The following UBR1 variants were observed in gnomAD, a reference collection of about 807,000 sequenced individuals.
The protein encoded by UBR1 is E3 ubiquitin-protein ligase UBR1.
A neutral mutation model predicts 242.1 loss-of-function variants in UBR1; 102 were observed. That is an observed-to-expected ratio of 0.42 (90% CI 0.36 to 0.50). The LOEUF is 0.50. Ranked by LOEUF, UBR1 falls within the 20% of genes least tolerant of loss-of-function variation. The probability of loss-of-function intolerance (pLI) is 0.01; values close to 1 mark genes in which losing one functional copy is unlikely to be tolerated. For missense variants in UBR1, 1,772 were observed against 2,101.8 expected (o/e 0.84, Z 3.07); for synonymous variants, 675 against 684.8 (o/e 0.99, Z 0.22).
chr15:43,077,091 G>C (rs1460668748), intron 3 of UBR1, among the ~76,000 whole-genome samples: 3 of 131,548 alleles, frequency 2.3e-5, no homozygotes, highest in Non-Finnish European at 5.0e-5. Context: ...CTTCTGCCCG[G>C]CCGCCCCTAC....
chr15:43,102,774 C>T (rs1567153570), intron 1 of UBR1, among the ~76,000 whole-genome samples: 1 of 151,586 alleles, frequency 6.6e-6, no homozygotes, highest in Non-Finnish European at 1.5e-5. Context: ...TTCCATTTTC[C>T]ACCCGTTTCA....
chr15:43,021,427 G>C, intron 26 of UBR1, 52 bp from the exon 27 acceptor site: 1 of 1,560,800 alleles, frequency 6.4e-7, no homozygotes, highest in African/African-American at 1.4e-5. Flanking sequence ...TCATCTCTTG[G>C]TATCCTCAGG....
chr15:43,073,844 G>A (rs541994262), intron 4 of UBR1, among the ~76,000 whole-genome samples: 1 of 152,236 alleles, frequency 6.6e-6, no homozygotes, highest in East Asian at 1.9e-4. Context: ...AGGTATTTCT[G>A]ACAACAAGAA....
At chr15:43,057,167 G>A (rs2033629096) in intron 10 of UBR1, among the ~76,000 whole-genome samples, 1 of 152,160 alleles carries the variant, frequency 6.6e-6, no homozygotes, top group South Asian at 2.1e-4. Context: ...TTTCATTTCA[G>A]ATCACACATA....
intron 39 of UBR1, among the ~76,000 whole-genome samples, chr15:42,973,944 AGT>A (rs1406790258): frequency 7.3e-6 from 1 of 137,224 alleles, no homozygotes; most frequent in Non-Finnish European, 1.5e-5. Flanking sequence ...TCTGTAGTGC[AGT>A]GGAGCAATCT....
chr15:43,094,399 A>G (rs552136167), intron 1 of UBR1, among the ~76,000 whole-genome samples: 94 of 152,180 alleles, frequency 6.2e-4, no homozygotes, highest in Middle Eastern at 3.4e-3. Context: ...ACCACACTCC[A>G]GCCTGGAAGA....
intron 1 of UBR1, among the ~76,000 whole-genome samples, chr15:43,098,884 T>C (rs2034192508): frequency 6.6e-6 from 1 of 152,206 alleles, no homozygotes. Context: ...ACCTACATTT[T>C]CATCAGTTTT....
At chr15:43,064,307 T>A (rs540610982) in intron 6 of UBR1, among the ~76,000 whole-genome samples, 8 of 152,316 alleles carry the variant, frequency 5.3e-5, no homozygotes, top group Admixed American at 1.3e-4. Flanking sequence ...TACAGTTTTT[T>A]AAAACTATTT....
At chr15:42,995,270 T>C (rs1357979616) in intron 33 of UBR1, among the ~76,000 whole-genome samples, 4 of 152,036 alleles carry the variant, frequency 2.6e-5, no homozygotes, top group Non-Finnish European at 1.5e-5. Context: ...TTTTTTTAAA[T>C]AAAAAGAAAC....
At chr15:42,968,705 T>C (rs1293148976) in intron 40 of UBR1, among the ~76,000 whole-genome samples, 1 of 152,142 alleles carries the variant, frequency 6.6e-6, no homozygotes, top group Admixed American at 6.6e-5. Context: ...TGGTGTGTGA[T>C]GTTCCCCTCC....
rs994808478 is a variant in UBR1, at chr15:43,011,181, C to CAA, written c.3210-3899_3210-3898dup. Among the ~76,000 whole-genome samples, 629 of 128,156 alleles carry CAA rather than the reference C, an allele frequency of 4.9e-3. 1 individual carries two copies. Among genetic ancestry groups the CAA allele is most frequent in the African/African-American group, 0.017 (598 of 34,766 alleles). The allele number at this position is 128,156 out of a possible 152,430, so 84.1% of individuals were successfully genotyped here. On this transcript the variant is annotated intron_variant, in intron 29 of 46. Transcript: ENST00000290650. Reference sequence around the variant, plus strand: ...TGGGCAACATAGTGAGACCCCATCTCAAAAAAAAAAAACTGGTTAAAAAAA... The same window carrying CAA: ...TGGGCAACATAGTGAGACCCCATCTCAAAAAAAAAAAAAACTGGTTAAAAAAA...
Position 43,059,211 on chromosome 15 carries a change from A to G in UBR1, c.986-19T>C. ...AAGTCACCTACAAACAAAAGAGGTC[A>G]CACAGTTACACAACTTGTATTCTTT... On this transcript the variant is annotated intron_variant, in intron 8 of 46. Coordinates refer to ENST00000290650, the MANE Select transcript of UBR1 (RefSeq NM_174916.3). The G allele has an allele frequency of 6.3e-7, 1 of 1,585,842 alleles. No homozygotes were observed. The highest frequency in any genetic ancestry group is 8.7e-7 in the Non-Finnish European group (1 of 1,154,348).
chr15:43,032,514 T>A (rs1185332904), intron 20 of UBR1, 54 bp downstream of exon 20: 1 of 1,214,218 alleles, frequency 8.2e-7, no homozygotes, highest in African/African-American at 1.5e-5. Context: ...ATATAAATGG[T>A]CTCTCTAAAA....
chr15:43,058,803 T>C (rs2033648391), intron 9 of UBR1, among the ~76,000 whole-genome samples: 1 of 152,198 alleles, frequency 6.6e-6, no homozygotes, highest in East Asian at 1.9e-4. Context: ...ATGGCACTAC[T>C]ACCTGAATAT....
intron 3 of UBR1, among the ~76,000 whole-genome samples, chr15:43,081,842 T>A (rs1327130795): frequency 6.6e-6 from 1 of 152,032 alleles, no homozygotes; most frequent in African/African-American, 2.4e-5. Flanking sequence ...AAGGAAATAA[T>A]CCTACATATA....
chr15:43,029,362 C>A (rs2033223940), intron 21 of UBR1, among the ~76,000 whole-genome samples: 1 of 152,136 alleles, frequency 6.6e-6, no homozygotes, highest in Non-Finnish European at 1.5e-5. Flanking sequence ...GAGTAAATAA[C>A]CACGTGCCTC....
intron 9 of UBR1, 106 bp downstream of exon 9, chr15:43,058,979 A>G: frequency 2.2e-6 from 2 of 890,382 alleles, no homozygotes; most frequent in South Asian, 1.4e-5. Context: ...AATCAAGATT[A>G]CAGATTTAAT....
At chr15:42,990,160 G>A (rs1411275093) in intron 33 of UBR1, 40 bp from the exon 34 acceptor site, 7 of 1,382,380 alleles carry the variant, frequency 5.1e-6, no homozygotes, top group Non-Finnish European at 7.1e-6. Flanking sequence ...AATCATGAAT[G>A]AGTTTAGTCT....
At chr15:43,033,819 C>T (rs907167726) in intron 19 of UBR1, among the ~76,000 whole-genome samples, 6 of 152,002 alleles carry the variant, frequency 3.9e-5, no homozygotes, top group Non-Finnish European at 7.4e-5. Flanking sequence ...ACAATAAAGA[C>T]GTGGCTGGGC....
Sources: allele counts gnomAD v4.1 joint callset (sites outside exome capture counted in the v4.1 genomes callset), GRCh38; gene constraint gnomAD v4.1.1; transcripts MANE v1.5; gene names NCBI Gene and HGNC (gene_info 2026-07-23, HGNC 2026-07-21).